Variants in ZRANB3 observed in about 807,000 individuals in gnomAD.
The protein encoded by ZRANB3 is zinc finger RANBP2-type containing 3, also known as DNA annealing helicase and endonuclease ZRANB3.
ZRANB3 carries 125 observed loss-of-function variants against 133.8 expected under a neutral mutation model. The ratio of observed to expected loss-of-function variants is 0.93; its 90% CI spans 0.81 to 1.08. The LOEUF is 1.08. Among genes scored for constraint, ZRANB3 ranks in the 50% least tolerant of loss-of-function variants. ZRANB3 has a pLI of 0.00. For missense variants in ZRANB3, 1,229 were observed against 1,275.5 expected, an observed-to-expected ratio of 0.96 and a Z score of 0.56; for synonymous variants, 387 against 432.7, an observed-to-expected ratio of 0.89 and a Z score of 1.31.
intron 2 of ZRANB3, among the ~76,000 whole-genome samples, chr2:135,453,386 C>T (rs1028814474): frequency 3.9e-5 from 6 of 152,230 alleles, no homozygotes; most frequent in African/African-American, 1.4e-4. Context: ...TTTCTGCAGC[C>T]AGCTTGAATT....
At chr2:135,413,621 G>C (rs1458418539) in intron 2 of ZRANB3, among the ~76,000 whole-genome samples, 1 of 152,158 alleles carries the variant, frequency 6.6e-6, no homozygotes, top group East Asian at 1.9e-4. Flanking sequence ...TGAGTACAGA[G>C]ATCTAGGGTA....
intron 9 of ZRANB3, among the ~76,000 whole-genome samples, chr2:135,275,153 G>A (rs1176830085): frequency 2.0e-5 from 3 of 152,056 alleles, no homozygotes; most frequent in Non-Finnish European, 4.4e-5. Context: ...CCTCCCAGAC[G>A]GGGTGGCGGC....
intron 3 of ZRANB3, among the ~76,000 whole-genome samples, chr2:135,385,741 G>A (rs1686940615): frequency 6.6e-6 from 1 of 152,152 alleles, no homozygotes; most frequent in East Asian, 1.9e-4. Flanking sequence ...AATGGGGAAA[G>A]GATTACCTGT....
At chr2:135,401,625 G>T (rs1158306132) in intron 2 of ZRANB3, among the ~76,000 whole-genome samples, 1 of 152,154 alleles carries the variant, frequency 6.6e-6, no homozygotes, top group African/African-American at 2.4e-5. Context: ...TGTTAAAATA[G>T]GGTTGACTCA....
At chr2:135,522,943 C>T (rs1338757987) in intron 1 of ZRANB3, among the ~76,000 whole-genome samples, 1 of 152,106 alleles carries the variant, frequency 6.6e-6, no homozygotes, top group Non-Finnish European at 1.5e-5. Context: ...AATGTGGGGG[C>T]AGGAATAACC....
At chr2:135,328,001 T>C (rs1683922446) in intron 6 of ZRANB3, among the ~76,000 whole-genome samples, 5 of 152,110 alleles carry the variant, frequency 3.3e-5, no homozygotes, top group African/African-American at 9.7e-5. Flanking sequence ...AGAGAAGCTG[T>C]CTAGAGGGAA....
At chr2:135,441,361 G>A (rs1351801332) in intron 2 of ZRANB3, among the ~76,000 whole-genome samples, 1 of 152,074 alleles carries the variant, frequency 6.6e-6, no homozygotes, top group Non-Finnish European at 1.5e-5. Context: ...TGCCAACCAA[G>A]ACTCCCACAT....
intron 2 of ZRANB3, among the ~76,000 whole-genome samples, chr2:135,455,541 C>A (rs1194205703): frequency 6.6e-6 from 1 of 150,804 alleles, no homozygotes; most frequent in Non-Finnish European, 1.5e-5. Flanking sequence ...TCTAGTTCAC[C>A]CTCCAAATGA....
chr2:135,238,109 G>T (rs1695383263), intron 12 of ZRANB3, among the ~76,000 whole-genome samples: 1 of 152,144 alleles, frequency 6.6e-6, no homozygotes, highest in Non-Finnish European at 1.5e-5. Flanking sequence ...CCTAATTAGA[G>T]TAAGTAGGAT....
rs141099576 is a variant in ZRANB3, at chr2:135,406,352, C to T, written c.162-15532G>A. On this transcript the variant is annotated intron_variant, in intron 2 of 20. Transcript: ENST00000264159. Reference sequence around the variant, plus strand: ...TTAATAGTTTACCAACCAAAAAAAGCCCAGGACCAGATGGATTCACAGCCG... The same window carrying T: ...TTAATAGTTTACCAACCAAAAAAAGTCCAGGACCAGATGGATTCACAGCCG... 3.2e-3 allele frequency among the ~76,000 whole-genome samples: 488 copies of T among 152,072 alleles called. 2 individuals are homozygous for T. The highest frequency in any genetic ancestry group is 0.01 in the African/African-American group (429 of 41,490).
chr2:135,269,290 A>G, intron 10 of ZRANB3, 149 bp from the exon 11 acceptor site: 3 of 594,410 alleles, frequency 5.0e-6, no homozygotes, highest in Non-Finnish European at 7.9e-6. Flanking sequence ...AATTCATGAA[A>G]GGCAAATGAA....
At chr2:135,489,774 G>A (rs1692294109) in intron 2 of ZRANB3, among the ~76,000 whole-genome samples, 1 of 151,494 alleles carries the variant, frequency 6.6e-6, no homozygotes, top group African/African-American at 2.4e-5. Flanking sequence ...CAAAAAAAAG[G>A]GTTTTGGAGA....
intron 1 of ZRANB3, chr2:135,511,565 G>T: frequency 1.0e-6 from 1 of 982,666 alleles, no homozygotes. Flanking sequence ...ATATCATTGT[G>T]AACATAGAAC....
chr2:135,411,001 G>A (rs565125902), intron 2 of ZRANB3, among the ~76,000 whole-genome samples: 4 of 152,294 alleles, frequency 2.6e-5, no homozygotes, highest in Non-Finnish European at 2.9e-5. Context: ...CATTTTGGGA[G>A]GCCAATGTGG....
intron 2 of ZRANB3, among the ~76,000 whole-genome samples, chr2:135,429,030 C>A (rs1689209810): frequency 1.3e-5 from 2 of 152,180 alleles, no homozygotes; most frequent in Non-Finnish European, 2.9e-5. Flanking sequence ...AATCCCATTA[C>A]TGGGTATATA....
intron 9 of ZRANB3, among the ~76,000 whole-genome samples, chr2:135,274,613 A>C (rs1680693914): frequency 6.6e-6 from 1 of 151,954 alleles, no homozygotes. Context: ...AATTTTTTTA[A>C]TTTATTTTTT....
chr2:135,246,844 G>T (rs1358507891), intron 12 of ZRANB3, among the ~76,000 whole-genome samples: 1 of 152,174 alleles, frequency 6.6e-6, no homozygotes, highest in Non-Finnish European at 1.5e-5. Flanking sequence ...TATCTGAAAA[G>T]TTCAGAGTCC....
intron 2 of ZRANB3, among the ~76,000 whole-genome samples, chr2:135,449,557 T>G (rs113562933): frequency 6.6e-6 from 1 of 152,190 alleles, no homozygotes; most frequent in South Asian, 2.1e-4. Flanking sequence ...AAGGCAGAGG[T>G]TGCAGTGAGT....
intron 8 of ZRANB3, among the ~76,000 whole-genome samples, chr2:135,310,716 T>C (rs1008232692): frequency 1.3e-5 from 2 of 151,998 alleles, no homozygotes; most frequent in Non-Finnish European, 2.9e-5. Context: ...CTAGCATCAT[T>C]ACTGAATACC....
Sources: allele counts gnomAD v4.1 joint callset (sites outside exome capture counted in the v4.1 genomes callset), GRCh38; gene constraint gnomAD v4.1.1; transcripts MANE v1.5; gene names NCBI Gene and HGNC (gene_info 2026-07-23, HGNC 2026-07-21).